The following PLAAT4 variants were observed in gnomAD, a reference collection of about 807,000 sequenced individuals.
PLAAT4 encodes the protein phospholipase A and acyltransferase 4.
In PLAAT4, 12 loss-of-function variants were observed where a neutral mutation model predicts 14.1. The ratio of observed to expected loss-of-function variants is 0.85; its 90% CI spans 0.54 to 1.37. The LOEUF (loss-of-function observed/expected upper bound fraction) is 1.37. PLAAT4 is among the 40% of genes most tolerant of loss of function. PLAAT4 has a pLI of 0.00. For missense variants in PLAAT4, 163 were observed against 211.7 expected (o/e 0.77, Z 1.43); for synonymous variants, 77 against 79.8 (o/e 0.96, Z 0.19).
intron 2 of PLAAT4, among the ~76,000 whole-genome samples, chr11:63,541,596 A>C: frequency 7.1e-6 from 1 of 140,596 alleles, no homozygotes. Flanking sequence ...CAGTGATGTG[A>C]TTACAGCTCA....
chr11:63,541,486 A>G (rs2017320867), intron 2 of PLAAT4, among the ~76,000 whole-genome samples: 2 of 150,912 alleles, frequency 1.3e-5, no homozygotes. Context: ...CACCGCGCTC[A>G]GCCGTAAAGA....
intron 2 of PLAAT4, among the ~76,000 whole-genome samples, chr11:63,542,702 C>T (rs1257686878): frequency 1.3e-5 from 2 of 152,206 alleles, no homozygotes; most frequent in African/African-American, 4.8e-5. Context: ...TTCAAGTGTG[C>T]TGCTTGCCTA....
chr11:63,544,650 G>A lies in PLAAT4; in HGVS notation c.148G>A (p.Val50Ile), dbSNP rs370718530. The A allele has an allele frequency of 3.1e-6, 5 of 1,613,814 alleles. No individual in the cohort carries two copies. The African/African-American group carries it at 4.0e-5, about 13-fold the overall frequency. Residue 50 changes from valine (V) to isoleucine (I), a missense_variant, in exon 3 of 4, where the codon GTC becomes ATC. Transcript: ENST00000255688. The stretch of plus-strand genomic sequence containing the variant: ...GTACCCCGGGGCTGGCTCCTCCAGT[G>A]TCTTCTCAGTCCTGAGCAACAGTGC... ...SEYPGAGSSSVFSVLSNSAEV... is the reference protein window; with the variant it reads ...SEYPGAGSSSIFSVLSNSAEV...
chr11:63,540,002 A>G (rs936734402), intron 2 of PLAAT4, among the ~76,000 whole-genome samples: 3 of 152,260 alleles, frequency 2.0e-5, no homozygotes, highest in Non-Finnish European at 2.9e-5. Context: ...ACTGAAAGAC[A>G]GTTAAGCAAG....
At chr11:63,538,702 A>G (rs981235382) in intron 1 of PLAAT4, among the ~76,000 whole-genome samples, 2 of 152,132 alleles carry the variant, frequency 1.3e-5, no homozygotes, top group African/African-American at 4.8e-5. Flanking sequence ...GGTGGCCAAG[A>G]CAGGAACCAG....
intron 1 of PLAAT4, among the ~76,000 whole-genome samples, chr11:63,537,109 G>A (rs950099962): frequency 1.8e-4 from 27 of 152,162 alleles, no homozygotes; most frequent in African/African-American, 4.8e-4. Flanking sequence ...CGGGGAGCCC[G>A]GGACTCCCAT....
At position 63,545,031 on chromosome 11, in the gene PLAAT4, T is replaced by C. The variant is rs553586579; in HGVS notation, c.387+142T>C. ...GAGAGTCAGGACCTCTGAGCTCCAA[T>C]GCCAGATCTGCTTCTAATCCACAGA... On this transcript the variant is annotated intron_variant, in intron 3 of 3. Transcript: ENST00000255688. 34 of 1,151,622 alleles carry C rather than the reference T, an allele frequency of 3.0e-5. No individual in the cohort carries two copies. In the African/African-American group the frequency reaches 4.7e-4, roughly 16 times the overall value. The allele number at this position is 1,151,622 out of a possible 1,614,324, so 71.3% of individuals were successfully genotyped here.
chr11:63,536,854 C>T lies in PLAAT4; in HGVS notation c.-15C>T. On this transcript the variant is annotated 5_prime_UTR_variant, in exon 1 of 4. Coordinates refer to ENST00000255688, the MANE Select transcript of PLAAT4 (RefSeq NM_004585.5). ...CACAAACAAGAGGAGCACCAGACCTCCTCTTGGCTTCGAGATGGCTTCGGT... is the reference window on the plus strand; with the variant it reads ...CACAAACAAGAGGAGCACCAGACCTTCTCTTGGCTTCGAGATGGCTTCGGT... 1 of 1,612,406 alleles carries T rather than the reference C, an allele frequency of 6.2e-7. No individual in the cohort carries two copies. Among genetic ancestry groups the T allele is most frequent in the Non-Finnish European group, 8.5e-7 (1 of 1,179,254 alleles).
intron 2 of PLAAT4, among the ~76,000 whole-genome samples, chr11:63,540,471 A>G (rs1447572323): frequency 1.3e-5 from 2 of 152,202 alleles, no homozygotes; most frequent in African/African-American, 4.8e-5. Flanking sequence ...GAAATATGAC[A>G]TACCCAGTTA....
intron 3 of PLAAT4, among the ~76,000 whole-genome samples, chr11:63,545,902 G>C (rs2017360998): frequency 6.6e-6 from 1 of 152,114 alleles, no homozygotes; most frequent in Non-Finnish European, 1.5e-5. Context: ...CCATTCTCAG[G>C]ACAAGCCCAG....
At position 63,546,235 on chromosome 11, in the gene PLAAT4, C is replaced by G. The variant is rs774953457; in HGVS notation, c.474C>G (p.Tyr158Ter). ...GATGCTCTTTTGCGATTAGGAGATA[C>G]CAAAAAAAAGCGACAGCCTGAAGCA... Reference protein sequence around the residue: ...VAGCSFAIRRYQKKATA With the variant: ...VAGCSFAIRR The change falls in exon 4 of 4, where the codon TAC (tyrosine) becomes TAG (stop). Residue 158 changes from tyrosine (Y) to a stop codon, truncating the protein, a stop_gained. Transcript: ENST00000255688. LOFTEE classifies it high-confidence loss of function. 19 of 1,612,986 alleles carry G rather than the reference C, an allele frequency of 1.2e-5. No individual in the cohort carries two copies. Among genetic ancestry groups the G allele is most frequent in the South Asian group, 2.2e-5 (2 of 91,066 alleles).
rs1302304262 is a variant in PLAAT4 at position 63,539,595 on chromosome 11, A to ATGGC, written c.91_94dup (p.Tyr32TrpfsTer11). ...GAGCACTGGGCCCTGTATATAGGAG[A>ATGGC]TGGCTACGTGATCCATCTGGCTCCT... On this transcript the variant is annotated frameshift_variant, in exon 2 of 4. Coordinates refer to ENST00000255688, the MANE Select transcript of PLAAT4 (RefSeq NM_004585.5). LOFTEE classifies it high-confidence loss of function. 3.1e-6 allele frequency: 5 copies of ATGGC among 1,613,030 alleles called. No individual in the cohort carries two copies. In the African/African-American group the frequency reaches 6.7e-5, roughly 22 times the overall value.
At chr11:63,539,007 G>C (rs1385006331) in intron 1 of PLAAT4, among the ~76,000 whole-genome samples, 1 of 152,130 alleles carries the variant, frequency 6.6e-6, no homozygotes, top group Admixed American at 6.5e-5. Flanking sequence ...CCAAGAGATA[G>C]GTGTCCTGAG....
At chr11:63,545,439 C>A in intron 3 of PLAAT4, 1 of 178,380 alleles carries the variant, frequency 5.6e-6, no homozygotes, top group Non-Finnish European at 1.2e-5. Context: ...GCCTGTGATG[C>A]CTACTCAGGG....
chr11:63,540,426 C>T (rs1395862578), intron 2 of PLAAT4, among the ~76,000 whole-genome samples: 1 of 152,198 alleles, frequency 6.6e-6, no homozygotes, highest in East Asian at 1.9e-4. Context: ...GTAAGCAATA[C>T]CAATGTTTTA....
Position 63,546,222 on chromosome 11 carries a change from C to T in PLAAT4, c.461C>T (p.Ala154Val), listed in dbSNP as rs746006472. ...CTGGTTGTTGCTGGATGCTCTTTTG[C>T]GATTAGGAGATACCAAAAAAAAGCG... ...GILVVAGCSF[A>V]IRRYQKKATA Residue 154 changes from alanine (A) to valine (V), a missense_variant, in exon 4 of 4, where the codon GCG becomes GTG. Transcript: ENST00000255688. 1.2e-5 allele frequency: 19 copies of T among 1,613,664 alleles called. No individual in the cohort carries two copies. Among genetic ancestry groups the T allele is most frequent in the Admixed American group, 1.7e-5 (1 of 59,978 alleles).
intron 2 of PLAAT4, among the ~76,000 whole-genome samples, chr11:63,543,228 CG>C (rs2017335532): frequency 6.6e-6 from 1 of 152,214 alleles, no homozygotes; most frequent in African/African-American, 2.4e-5. Flanking sequence ...TGTTAGGAAT[CG>C]GGCCACACAA....
At chr11:63,540,511 A>G (rs1440658397) in intron 2 of PLAAT4, among the ~76,000 whole-genome samples, 1 of 147,686 alleles carries the variant, frequency 6.8e-6, no homozygotes, top group Non-Finnish European at 1.5e-5. Context: ...GTATGTATGG[A>G]TAGCCAATGA....
rs201927922 is a variant in PLAAT4, at chr11:63,544,878, C to T, written c.376C>T (p.Arg126Cys). 27 of 1,614,072 alleles carry T rather than the reference C, an allele frequency of 1.7e-5. No individual in the cohort carries two copies. The highest frequency in any genetic ancestry group is 3.3e-4 in the Middle Eastern group (2 of 6,084). The change falls in exon 3 of 4, where the codon CGC (arginine) becomes TGC (cysteine). Residue 126 changes from arginine to cysteine, a missense_variant. Physicochemically the swap from Arg to Cys is radical, Grantham distance 180. Coordinates refer to ENST00000255688, the MANE Select transcript of PLAAT4 (RefSeq NM_004585.5). The stretch of plus-strand genomic sequence containing the variant: ...CACCCAGCTGAGATATGGCAAGTCC[C>T]GCTGTAAACAGGTAAGGACCTCTCT... ...FVTQLRYGKSRCKQVEKAKVE... is the reference protein window; with the variant it reads ...FVTQLRYGKSCCKQVEKAKVE...
Sources: gnomAD v4.1 joint callset for allele counts (sites outside exome capture counted in the v4.1 genomes callset) on GRCh38, gnomAD v4.1.1 for gene constraint, MANE v1.5 for transcripts, NCBI Gene and HGNC (gene_info 2026-07-23, HGNC 2026-07-21) for gene names.